FTSJ3: variants seen among roughly 807,000 people sequenced by gnomAD.
FTSJ3 encodes FtsJ RNA 2'-O-methyltransferase 3.
A neutral mutation model predicts 111.5 loss-of-function variants in FTSJ3; 46 were observed. That is an observed-to-expected ratio of 0.41 (90% confidence interval 0.33 to 0.53). FTSJ3 has a LOEUF of 0.53. FTSJ3 is among the 20% of genes least tolerant of loss of function. FTSJ3 has a pLI of 0.19. For missense variants in FTSJ3, 1,075 were observed against 1,063.8 expected (o/e 1.01, Z -0.15); for synonymous variants, 408 against 383.0 (o/e 1.07, Z -0.76).
At position 63,825,355 on chromosome 17, in the gene FTSJ3, G is replaced by A; in HGVS notation, c.482C>T (p.Ser161Phe). The A allele has an allele frequency of 6.2e-7, 1 of 1,614,208 alleles. No individual in the cohort carries two copies. The highest frequency in any genetic ancestry group is 8.5e-7 in the Non-Finnish European group (1 of 1,180,038). ...CCATAGCAGAGGCTGATAGTCACGA[G>A]AACGGAAAACCTTTGTGATGAAGCT... is the stretch of plus-strand genomic sequence containing the variant. ...GGSFITKVFRSRDYQPLLWIF... is the reference protein window; with the variant it reads ...GGSFITKVFRFRDYQPLLWIF... Residue 161 changes from serine (S) to phenylalanine (F), a missense_variant, in exon 7 of 21, where the codon TCT becomes TTT. By Grantham distance (155) the Ser-to-Phe change is radical (BLOSUM62 -2). This residue lies in a region of FTSJ3 where 208 missense variants were observed against 266.9 expected (regional missense o/e 0.78). Coordinates refer to ENST00000427159, the MANE Select transcript of FTSJ3 (RefSeq NM_017647.4).
chr17:63,823,789 T>C (rs752227841), intron 13 of FTSJ3, 28 bp downstream of exon 13: 2 of 1,609,400 alleles, frequency 1.2e-6, no homozygotes, highest in Non-Finnish European at 1.7e-6. Context: ...TTCTGTCTCC[T>C]AAACCTGCAC....
intron 3 of FTSJ3, 69 bp downstream of exon 3, chr17:63,826,498 C>T (rs749443791): frequency 7.2e-7 from 1 of 1,380,766 alleles, no homozygotes; most frequent in Non-Finnish European, 1.0e-6. Flanking sequence ...CGCAGTGAAA[C>T]TGGAAGCCAT....
intron 3 of FTSJ3, 27 bp from the exon 4 acceptor site, chr17:63,826,331 C>T (rs745323782): frequency 6.2e-7 from 1 of 1,611,796 alleles, no homozygotes; most frequent in Non-Finnish European, 8.5e-7. Flanking sequence ...AATTTAAAAA[C>T]CTAGAGCCAT....
At chr17:63,826,761 A>G (rs1324831927) in intron 2 of FTSJ3, 75 bp downstream of exon 2, 1 of 1,564,980 alleles carries the variant, frequency 6.4e-7, no homozygotes, top group South Asian at 1.1e-5. Context: ...GGAGAGGTAC[A>G]TAATGGTCGC....
Position 63,824,949 on chromosome 17 carries a change from A to T in FTSJ3, c.712-20T>A. 1 of 1,575,030 alleles carries T rather than the reference A, an allele frequency of 6.3e-7. No homozygotes were observed. Among genetic ancestry groups the T allele is most frequent in the South Asian group, 1.2e-5 (1 of 86,122 alleles). ...TTCAGCCTTAGGAAGGAAAAGAGAG[A>T]AGCTTGGTCAGGCCCTTCTAAGGTA... On this transcript the variant is annotated intron_variant, in intron 8 of 20. Transcript: ENST00000427159.
chr17:63,821,748 T>A lies in FTSJ3; in HGVS notation c.1571A>T (p.Glu524Val). Residue 524 changes from glutamate to valine, a missense_variant, in exon 15 of 21, where the codon GAA becomes GTA. This residue lies in a region of FTSJ3 where 867 missense variants were observed against 796.9 expected (regional missense o/e 1.09). Transcript: ENST00000427159. ...CTTTGAGAACCACAGGTTGGCTTGT[T>A]CTTCCTGCAGTACTGCCTTTTCCTC... ...PLEEKAVLQE[E>V]QANLWFSKGS... 3.1e-6 allele frequency: 5 copies of A among 1,614,200 alleles called. No individual in the cohort carries two copies. The highest frequency in any genetic ancestry group is 4.2e-6 in the Non-Finnish European group (5 of 1,180,020).
At position 63,821,443 on chromosome 17, in the gene FTSJ3, C is replaced by T. The variant is rs767984789; in HGVS notation, c.1797G>A (p.Ser599=). The change falls in exon 16 of 21, where the codon TCG becomes TCA. Residue 599 remains serine, a synonymous_variant. Transcript: ENST00000427159. The part of the protein sequence containing the change: ...DEAPKGTEAS[S]GTEAATGLEG... ...CAAGGCCAGTGGCAGCTTCTGTCCC[C>T]GAAGAAGCCTCTGTTCCCTTAGGGG... 9.7e-5 allele frequency: 157 copies of T among 1,614,014 alleles called. No homozygotes were observed. The highest frequency in any genetic ancestry group is 1.6e-4 in the Middle Eastern group (1 of 6,080).
intron 13 of FTSJ3, 84 bp downstream of exon 13, chr17:63,823,733 A>G: frequency 6.7e-7 from 1 of 1,489,440 alleles, no homozygotes. Context: ...TCGGCAACCT[A>G]AAAAGACATT....
rs2040052250 is a variant in FTSJ3, at chr17:63,821,588, G to T, written c.1652C>A (p.Ala551Asp). The T allele has an allele frequency of 3.1e-6, 5 of 1,613,902 alleles. No homozygotes were observed. The highest frequency in any genetic ancestry group is 3.4e-6 in the Non-Finnish European group (4 of 1,179,968). Residue 551 changes from alanine to aspartate, a missense_variant, in exon 16 of 21, where the codon GCC (alanine) becomes GAC (aspartate). This residue lies in a region of FTSJ3 where 867 missense variants were observed against 796.9 expected (regional missense o/e 1.09). Transcript: ENST00000427159. ...DADEALEISQ[A>D]QLLFENRRKG... ...CCGCCGGTTCTCAAATAACAGCTGG[G>T]CCTGACTGATCTCCAGGGCCTCATC...
chr17:63,826,148 A>C lies in FTSJ3; in HGVS notation c.221-13T>G. Reference sequence around the variant, plus strand: ...ACCAGGTCCACTCCTGGAAGAAATCAGGTCAGAGTATTCTAAAAGGTTGCT... The same window carrying C: ...ACCAGGTCCACTCCTGGAAGAAATCCGGTCAGAGTATTCTAAAAGGTTGCT... On this transcript the variant is annotated splice_polypyrimidine_tract_variant and intron_variant, in intron 4 of 20. Transcript: ENST00000427159. 2 of 1,613,604 alleles carry C rather than the reference A, an allele frequency of 1.2e-6. No individual in the cohort carries two copies. Among genetic ancestry groups the C allele is most frequent in the Non-Finnish European group, 1.7e-6 (2 of 1,179,500 alleles).
chr17:63,823,997 T>C (rs757105816), intron 12 of FTSJ3, 45 bp from the exon 13 acceptor site: 11 of 1,613,708 alleles, frequency 6.8e-6, no homozygotes, highest in Non-Finnish European at 9.3e-6. Context: ...AGCTCCAAAG[T>C]TTCTATCCAT....
rs1380035439 is a variant in FTSJ3, at chr17:63,827,548, C to G, written c.-523G>C. 1 of 1,551,270 alleles carries G rather than the reference C, an allele frequency of 6.4e-7. No individual in the cohort carries two copies. Among genetic ancestry groups the G allele is most frequent in the Admixed American group, 2.0e-5 (1 of 50,992 alleles). Reference sequence around the variant, plus strand: ...GGTGCAGTGGCGGCCCGGCAGGTTACGGGGCTGGGTGCGGAGCGAGCGTGA... The same window carrying G: ...GGTGCAGTGGCGGCCCGGCAGGTTAGGGGGCTGGGTGCGGAGCGAGCGTGA... On this transcript the variant is annotated 5_prime_UTR_variant, in exon 1 of 21. Transcript: ENST00000427159.
rs748336705 is a variant in FTSJ3 at position 63,820,131 on chromosome 17, C to G, written c.2299G>C (p.Val767Leu). The change falls in exon 20 of 21, where the codon GTG becomes CTG. Residue 767 changes from valine to leucine, a missense_variant. Val to Leu is a conservative substitution (Grantham distance 32). Around this residue, in one of 2 missense-constraint regions of FTSJ3, gnomAD observed 867 missense variants for 796.9 expected, o/e 1.09. Transcript: ENST00000427159. ...LEQTRKKAEA[V>L]VNTVDISERE... ...TCTGAGATGTCCACTGTGTTCACCA[C>G]GGCTTCTGCCTTCTTCCTGGTCTGC... The G allele has an allele frequency of 1.2e-6, 2 of 1,614,170 alleles. No homozygotes were observed. Among genetic ancestry groups the G allele is most frequent in the South Asian group, 2.2e-5 (2 of 91,082 alleles).
chr17:63,821,776 G>A lies in FTSJ3; in HGVS notation c.1543C>T (p.Leu515=), dbSNP rs759407311. Residue 515 remains leucine (L), a synonymous_variant, in exon 15 of 21, where the codon CTG becomes TTG. Coordinates refer to ENST00000427159, the MANE Select transcript of FTSJ3 (RefSeq NM_017647.4). ...EEEENPLLVP[L]EEKAVLQEEQ... is the part of the protein sequence containing the mutation. ...TCCTGCAGTACTGCCTTTTCCTCCA[G>A]TGGTACCAGCAGTGGATTCTCCTCC... 30 of 1,613,976 alleles carry A rather than the reference G, an allele frequency of 1.9e-5. No individual in the cohort carries two copies. The highest frequency in any genetic ancestry group is 2.4e-5 in the Non-Finnish European group (28 of 1,180,002).
intron 10 of FTSJ3, 97 bp from the exon 11 acceptor site, chr17:63,824,508 CATAA>C: frequency 6.7e-7 from 1 of 1,491,198 alleles, no homozygotes; most frequent in African/African-American, 1.4e-5. Flanking sequence ...GCTTCGGCTA[CATAA>C]ATCAAAAGGC....
intron 13 of FTSJ3, among the ~76,000 whole-genome samples, chr17:63,823,334 G>A (rs1598349751): frequency 2.0e-5 from 3 of 152,182 alleles, no homozygotes; most frequent in Admixed American, 1.3e-4. Context: ...GGTGGCTCAC[G>A]CCTGTAATCC....
Position 63,824,420 on chromosome 17 carries a change from G to T in FTSJ3, c.918-9C>A. The T allele has an allele frequency of 6.2e-7, 1 of 1,613,490 alleles. No homozygotes were observed. The highest frequency in any genetic ancestry group is 1.3e-5 in the African/African-American group (1 of 75,028). On this transcript the variant is annotated splice_polypyrimidine_tract_variant and intron_variant, in intron 10 of 20. Transcript: ENST00000427159. ...TCCAGTTTAGTAGCGACCTGCCCCA[G>T]AGATACTATTACTGATCTTGCCATC... is the stretch of plus-strand genomic sequence containing the variant.
chr17:63,825,486 T>C lies in FTSJ3; in HGVS notation c.400+50A>G, dbSNP rs59012591. The stretch of plus-strand genomic sequence containing the variant: ...ACGCACTCTGCAGCCCAGGAGGGCA[T>C]GCGCCCACCTCCACCATCACCTGAT... On this transcript the variant is annotated intron_variant, in intron 6 of 20. Coordinates refer to ENST00000427159, the MANE Select transcript of FTSJ3 (RefSeq NM_017647.4). The C allele has an allele frequency of 6.2e-3, 10,018 of 1,604,990 alleles. 534 individuals are homozygous for C. The African/African-American group carries it at 0.12, about 19-fold the overall frequency.
rs1292451722 is a variant in FTSJ3 at position 63,821,801 on chromosome 17, C to T, written c.1518G>A (p.Glu506=). ...GTGGTACCAGCAGTGGATTCTCCTC[C>T]TCCTCCTCCTCTTTATCATCTTGCA... The part of the protein sequence containing the change: ...TEVQDDKEEE[E]EENPLLVPLE... Residue 506 remains glutamate (E), a synonymous_variant, in exon 15 of 21, where the codon GAG becomes GAA. Coordinates refer to ENST00000427159, the MANE Select transcript of FTSJ3 (RefSeq NM_017647.4). The T allele has an allele frequency of 1.2e-6, 2 of 1,614,152 alleles. No homozygotes were observed. Among genetic ancestry groups the T allele is most frequent in the Admixed American group, 1.7e-5 (1 of 60,022 alleles).
Sources: gnomAD v4.1 joint callset for allele counts (sites outside exome capture counted in the v4.1 genomes callset) on GRCh38, gnomAD v4.1.1 for gene constraint, gnomAD v4.1.1 regional missense constraint, MANE v1.5 for transcripts, NCBI Gene and HGNC (gene_info 2026-07-23, HGNC 2026-07-21) for gene names.